Variants in GRM7 observed in about 807,000 individuals in gnomAD.
The protein encoded by GRM7 is metabotropic glutamate receptor 7.
Under a neutral mutation model 84.5 loss-of-function variants are expected in GRM7, and 35 were observed. That is an observed-to-expected ratio of 0.41 (90% CI 0.32 to 0.55). GRM7 has a LOEUF of 0.55. GRM7 is among the 20% of genes least tolerant of loss of function. The pLI, the probability that GRM7 is intolerant of heterozygous loss-of-function variation, is 0.19. For missense variants in GRM7, 1,003 were observed against 1,194.6 expected (o/e 0.84, Z 2.36); for synonymous variants, 487 against 455.1 (o/e 1.07, Z -0.89).
At chr3:7,406,377 G>C (rs1695678512) in intron 4 of GRM7, among the ~76,000 whole-genome samples, 1 of 151,808 alleles carries the variant, frequency 6.6e-6, no homozygotes, top group East Asian at 1.9e-4. Context: ...GCGGGCGCCT[G>C]TAATCCCAGC....
chr3:6,976,522 G>A (rs1041843074), intron 1 of GRM7, among the ~76,000 whole-genome samples: 1 of 152,122 alleles, frequency 6.6e-6, no homozygotes, highest in African/African-American at 2.4e-5. Context: ...AACTTATACA[G>A]TCATTGTAAC....
intron 1 of GRM7, among the ~76,000 whole-genome samples, chr3:6,953,246 G>A (rs1692865140): frequency 6.6e-6 from 1 of 152,154 alleles, no homozygotes; most frequent in African/African-American, 2.4e-5. Flanking sequence ...ACAGTTAGAA[G>A]ACAGAGAAGA....
At chr3:7,278,442 A>C (rs1255503958) in intron 2 of GRM7, among the ~76,000 whole-genome samples, 1 of 152,142 alleles carries the variant, frequency 6.6e-6, no homozygotes, top group Non-Finnish European at 1.5e-5. Flanking sequence ...GTTTTTAAAA[A>C]GATGTCATTG....
intron 1 of GRM7, among the ~76,000 whole-genome samples, chr3:6,979,385 C>G (rs1575092588): frequency 1.3e-5 from 2 of 152,112 alleles, no homozygotes; most frequent in Admixed American, 1.3e-4. Context: ...CTGGTGTTCA[C>G]CATGACGCTT....
intron 2 of GRM7, among the ~76,000 whole-genome samples, chr3:7,244,602 C>G (rs1420577067): frequency 6.6e-6 from 1 of 152,008 alleles, no homozygotes. Flanking sequence ...TGCCTTAGAA[C>G]TAATATGCCC....
chr3:7,084,541 A>AGGTC (rs1698379789), intron 1 of GRM7, among the ~76,000 whole-genome samples: 1 of 152,278 alleles, frequency 6.6e-6, no homozygotes, highest in African/African-American at 2.4e-5. Flanking sequence ...GATAACACTG[A>AGGTC]GGTCTTTGAA....
intron 2 of GRM7, among the ~76,000 whole-genome samples, chr3:7,175,652 C>T (rs1425729496): frequency 6.6e-6 from 1 of 152,088 alleles, no homozygotes; most frequent in East Asian, 1.9e-4. Flanking sequence ...ATTCTTCTGC[C>T]TCAGCCTCCT....
chr3:7,009,521 T>C (rs973492164), intron 1 of GRM7, among the ~76,000 whole-genome samples: 1 of 152,214 alleles, frequency 6.6e-6, no homozygotes, highest in Non-Finnish European at 1.5e-5. Context: ...TAAAGTATGA[T>C]ATAAAGTAGA....
At chr3:7,600,503 G>A (rs563556647) in intron 8 of GRM7, among the ~76,000 whole-genome samples, 17 of 152,194 alleles carry the variant, frequency 1.1e-4, no homozygotes, top group African/African-American at 1.7e-4. Flanking sequence ...GCTGTTGAAC[G>A]GGGTATTTAG....
chr3:7,612,730 A>G (rs1696900070), intron 8 of GRM7, among the ~76,000 whole-genome samples: 1 of 152,316 alleles, frequency 6.6e-6, no homozygotes, highest in East Asian at 1.9e-4. Context: ...ATGGCCATCC[A>G]TATTTGTTAA....
At chr3:6,945,401 T>G (rs952877788) in intron 1 of GRM7, among the ~76,000 whole-genome samples, 75 of 152,278 alleles carry the variant, frequency 4.9e-4, no homozygotes, top group African/African-American at 1.8e-3. Flanking sequence ...CTCATCATTT[T>G]TTATGGCTGC....
chr3:7,058,724 C>T (rs116824120), intron 1 of GRM7, among the ~76,000 whole-genome samples: 6,743 of 151,852 alleles, frequency 0.044, 299 homozygotes, highest in African/African-American at 0.11. Context: ...ACAAAGGAGA[C>T]AGGGTCATTT....
At chr3:7,457,082 A>T (rs1421623458) in intron 6 of GRM7, among the ~76,000 whole-genome samples, 1 of 152,168 alleles carries the variant, frequency 6.6e-6, no homozygotes, top group East Asian at 1.9e-4. Context: ...TTTAAACTTT[A>T]TATCGCATGT....
chr3:7,620,056 C>T (rs1042002257), intron 8 of GRM7, among the ~76,000 whole-genome samples: 3 of 152,056 alleles, frequency 2.0e-5, no homozygotes, highest in Admixed American at 6.6e-5. Context: ...TGCTTACTTG[C>T]CTGGCCTCTG....
intron 4 of GRM7, among the ~76,000 whole-genome samples, chr3:7,414,736 A>G (rs987678395): frequency 4.6e-5 from 7 of 152,116 alleles, no homozygotes; most frequent in African/African-American, 1.2e-4. Flanking sequence ...AATGTGGCAT[A>G]ATGGTTGACC....
intron 8 of GRM7, among the ~76,000 whole-genome samples, chr3:7,665,138 A>G (rs980033456): frequency 6.6e-6 from 1 of 150,940 alleles, no homozygotes; most frequent in Non-Finnish European, 1.5e-5. Context: ...CACAGTTTCA[A>G]CTGCATACGG....
intron 1 of GRM7, among the ~76,000 whole-genome samples, chr3:7,113,154 G>A (rs1202758057): frequency 2.0e-5 from 3 of 151,912 alleles, no homozygotes; most frequent in Non-Finnish European, 4.4e-5. Flanking sequence ...AAAAATCATT[G>A]TGTACTTGAA....
chr3:7,170,832 T>A (rs1694960012), intron 2 of GRM7, among the ~76,000 whole-genome samples: 1 of 152,194 alleles, frequency 6.6e-6, no homozygotes, highest in Non-Finnish European at 1.5e-5. Context: ...CATGATTCTG[T>A]ATGACCTGGC....
At chr3:6,974,338 G>A (rs151218456) in intron 1 of GRM7, among the ~76,000 whole-genome samples, 47 of 152,324 alleles carry the variant, frequency 3.1e-4, no homozygotes, top group Non-Finnish European at 6.2e-4. Flanking sequence ...TGAATAGACA[G>A]TTGAGTGAAA....
Sources: allele counts gnomAD v4.1 joint callset (sites outside exome capture counted in the v4.1 genomes callset), GRCh38; gene constraint gnomAD v4.1.1; transcripts MANE v1.5; gene names NCBI Gene and HGNC (gene_info 2026-07-23, HGNC 2026-07-21).